PIP5K1A: variants seen among roughly 807,000 people sequenced by gnomAD.
PIP5K1A encodes the protein phosphatidylinositol-4-phosphate 5-kinase type 1 alpha, also known as phosphatidylinositol 4-phosphate 5-kinase type-1 alpha.
PIP5K1A carries 46 observed loss-of-function variants against 72.9 expected under a neutral mutation model. The observed-to-expected ratio is 0.63, with a 90% CI of 0.50 to 0.81. The LOEUF is 0.81. Among genes scored for constraint, PIP5K1A ranks in the 30% least tolerant of loss-of-function variants. The pLI is 0.00. For missense variants in PIP5K1A, 458 were observed against 706.1 expected, an observed-to-expected ratio of 0.65 and a Z score of 3.98; for synonymous variants, 228 against 255.1, an observed-to-expected ratio of 0.89 and a Z score of 1.01.
chr1:151,234,909 G>A (rs908351742), intron 8 of PIP5K1A, among the ~76,000 whole-genome samples: 1 of 152,146 alleles, frequency 6.6e-6, no homozygotes, highest in Non-Finnish European at 1.5e-5. Flanking sequence ...TCGATCTTCA[G>A]TCCATTTGCT....
intron 1 of PIP5K1A, among the ~76,000 whole-genome samples, chr1:151,202,777 CTT>C (rs376494252): frequency 4.6e-5 from 6 of 129,130 alleles, no homozygotes; most frequent in African/African-American, 2.9e-5. Context: ...CCAGTAAAGT[CTT>C]TTTTTTTTTT....
chr1:151,246,950 G>C lies in PIP5K1A; in HGVS notation c.1671G>C (p.Glu557Asp). Residue 557 changes from glutamate (E) to aspartate (D), a missense_variant, in exon 15 of 16, where the codon GAG (glutamate) becomes GAC (aspartate). This residue lies in a region of PIP5K1A where 157 missense variants were observed against 175.5 expected (regional missense o/e 0.89). Coordinates refer to ENST00000368888, the MANE Select transcript of PIP5K1A (RefSeq NM_001135638.2). ...STTLEKLEVAESEFTH is the reference protein window; with the variant it reads ...STTLEKLEVADSEFTH ...CCTTGGAAAAGCTTGAAGTTGCAGA[G>C]TCAGAGTTCACCCATGTGAGTATCT... is the stretch of plus-strand genomic sequence containing the variant. 2 of 1,613,564 alleles carry C rather than the reference G, an allele frequency of 1.2e-6. No individual in the cohort carries two copies. Among genetic ancestry groups the C allele is most frequent in the Non-Finnish European group, 1.7e-6 (2 of 1,179,584 alleles).
At chr1:151,198,409 C>G, upstream of PIP5K1A, 1 of 259,928 alleles carries the variant, frequency 3.8e-6, no homozygotes, top group South Asian at 3.5e-5. Context: ...CCCGCGCGCG[C>G]ACATCTTCCA....
chr1:151,242,671 G>A, intron 14 of PIP5K1A, 104 bp downstream of exon 14: 1 of 1,031,618 alleles, frequency 9.7e-7, no homozygotes, highest in Non-Finnish European at 1.5e-6. Flanking sequence ...CCAAAGATTA[G>A]TGGCTTAAAA....
chr1:151,234,989 G>C (rs922681695), intron 8 of PIP5K1A, among the ~76,000 whole-genome samples: 10 of 152,186 alleles, frequency 6.6e-5, no homozygotes, highest in African/African-American at 2.4e-4. Flanking sequence ...CATCTCCCTA[G>C]CTTTGTTTCT....
chr1:151,241,328 C>T (rs1357901809), intron 12 of PIP5K1A, among the ~76,000 whole-genome samples: 4 of 151,528 alleles, frequency 2.6e-5, no homozygotes, highest in Non-Finnish European at 2.9e-5. Context: ...GGTGAAACCC[C>T]GTCTCTACTA....
intron 1 of PIP5K1A, 74 bp downstream of exon 1, chr1:151,199,155 T>C: frequency 2.5e-6 from 4 of 1,607,926 alleles, no homozygotes; most frequent in Non-Finnish European, 3.4e-6. Flanking sequence ...CCTAAGAGGG[T>C]ACCTGTAGCT....
intron 1 of PIP5K1A, chr1:151,216,013 T>A (rs775782787): frequency 7.8e-7 from 1 of 1,277,160 alleles, no homozygotes. Flanking sequence ...AGATCTGATG[T>A]GTATCTGTGC....
intron 10 of PIP5K1A, chr1:151,238,600 C>A (rs1039246672): frequency 3.6e-6 from 1 of 279,432 alleles, no homozygotes; most frequent in South Asian, 4.5e-5. Context: ...GGGGATACAA[C>A]TGGAAACGTT....
At position 151,236,774 on chromosome 1, in the gene PIP5K1A, T is replaced by A. The variant is rs371032637; in HGVS notation, c.1145+11T>A. On this transcript the variant is annotated intron_variant, in intron 9 of 15. Transcript: ENST00000368888. ...GGAGACTGATGACCAGTAAGTGGGC[T>A]CAGGGCCACTAGGGGGGAGAACATA... 1.3e-6 allele frequency: 2 copies of A among 1,578,906 alleles called. No homozygotes were observed. The highest frequency in any genetic ancestry group is 1.7e-5 in the Admixed American group (1 of 59,572).
At chr1:151,198,090 A>G, upstream of PIP5K1A, 1 of 470,960 alleles carries the variant, frequency 2.1e-6, no homozygotes, top group Non-Finnish European at 4.4e-6. Context: ...CAAAACACAG[A>G]TCTATTTCGA....
In PIP5K1A at chr1:151,231,801, G is replaced by T; in HGVS notation, c.368G>T (p.Ser123Ile). 6.2e-7 allele frequency: 1 copy of T among 1,613,856 alleles called. No individual in the cohort carries two copies. The highest frequency in any genetic ancestry group is 8.5e-7 in the Non-Finnish European group (1 of 1,179,856). ...FYVVESIFFPSEGSNLTPAHH... is the reference protein window; with the variant it reads ...FYVVESIFFPIEGSNLTPAHH... Reference sequence around the variant, plus strand: ...GTGGTTGAGAGTATCTTCTTTCCCAGGTACAGAGTTTAATGTTCAGGAGCA... The same window carrying T: ...GTGGTTGAGAGTATCTTCTTTCCCATGTACAGAGTTTAATGTTCAGGAGCA... The change falls in exon 5 of 16, where the codon AGT (serine) becomes ATT (isoleucine). Residue 123 changes from serine (S) to isoleucine (I), a missense_variant and splice_region_variant. Physicochemically the swap from Ser to Ile is moderately radical, Grantham distance 142. This residue lies in a region of PIP5K1A where 220 missense variants were observed against 442.6 expected (regional missense o/e 0.50). Coordinates refer to ENST00000368888, the MANE Select transcript of PIP5K1A (RefSeq NM_001135638.2).
intron 6 of PIP5K1A, 35 bp downstream of exon 6, chr1:151,232,400 G>A (rs1256006991): frequency 1.3e-6 from 2 of 1,520,282 alleles, no homozygotes; most frequent in Admixed American, 1.7e-5. Flanking sequence ...TGTGACTCCA[G>A]TATCAGAGGG....
At position 151,246,974 on chromosome 1, in the gene PIP5K1A, C is replaced by T; in HGVS notation, c.1686+9C>T. ...AGTCAGAGTTCACCCATGTGAGTAT[C>T]TGGGATGTGTGGGAGGTGAACGTTT... On this transcript the variant is annotated intron_variant, in intron 15 of 15. Transcript: ENST00000368888. The T allele has an allele frequency of 6.2e-7, 1 of 1,610,988 alleles. No homozygotes were observed. The highest frequency in any genetic ancestry group is 8.5e-7 in the Non-Finnish European group (1 of 1,177,338).
intron 14 of PIP5K1A, among the ~76,000 whole-genome samples, chr1:151,244,179 G>GAAA (rs587631659): frequency 9.6e-6 from 1 of 104,020 alleles, no homozygotes. Flanking sequence ...AAAAAATACT[G>GAAA]AAAAAAAAAA....
At position 151,199,174 on chromosome 1, in the gene PIP5K1A, C is replaced by T. The variant is rs1684842182; in HGVS notation, c.85+93C>T. ...AGAGGGTACCTGTAGCTGGGAATGT[C>T]CTACGTGTTACCGGTAAGTGGGCGC... On this transcript the variant is annotated intron_variant, in intron 1 of 15. Transcript: ENST00000368888. The T allele has an allele frequency of 5.6e-6, 9 of 1,594,074 alleles. No homozygotes were observed. The East Asian group carries it at 1.1e-4, about 20-fold the overall frequency.
chr1:151,197,309 C>T (rs1684647652), upstream of PIP5K1A, among the ~76,000 whole-genome samples: 1 of 151,700 alleles, frequency 6.6e-6, no homozygotes, highest in Admixed American at 6.6e-5. Context: ...GAGACAGTTT[C>T]GCTCTGTCGT....
chr1:151,212,180 C>A (rs1040851693), intron 1 of PIP5K1A, among the ~76,000 whole-genome samples: 1 of 151,604 alleles, frequency 6.6e-6, no homozygotes, highest in Non-Finnish European at 1.5e-5. Flanking sequence ...GTGGCTGGTG[C>A]GGTAGCTTAA....
chr1:151,202,777 C>T (rs1317528450), intron 1 of PIP5K1A, among the ~76,000 whole-genome samples: 3 of 129,190 alleles, frequency 2.3e-5, no homozygotes, highest in African/African-American at 2.9e-5. Flanking sequence ...CCAGTAAAGT[C>T]TTTTTTTTTT....
Sources: allele counts gnomAD v4.1 joint callset (sites outside exome capture counted in the v4.1 genomes callset), GRCh38; gene constraint gnomAD v4.1.1; regional missense constraint gnomAD v4.1.1; transcripts MANE v1.5; gene names NCBI Gene and HGNC (gene_info 2026-07-23, HGNC 2026-07-21).